ROBO1: variants seen among roughly 807,000 people sequenced by gnomAD.
ROBO1 encodes the protein roundabout guidance receptor 1.
A neutral mutation model predicts 195.9 loss-of-function variants in ROBO1; 149 were observed. That is an observed-to-expected ratio of 0.76 (90% CI 0.67 to 0.87). ROBO1 has a LOEUF of 0.87. Ranked by LOEUF, ROBO1 falls within the 40% of genes least tolerant of loss-of-function variation. The pLI, the probability that ROBO1 is intolerant of heterozygous loss-of-function variation, is 0.00. For synonymous variants in ROBO1, 816 were observed against 733.2 expected (o/e 1.11, Z -1.82); for missense variants, 1,933 against 2,068.3 (o/e 0.93, Z 1.27).
chr3:79,365,286 G>A (rs902428787), intron 2 of ROBO1, among the ~76,000 whole-genome samples: 1 of 152,104 alleles, frequency 6.6e-6, no homozygotes, highest in African/African-American at 2.4e-5. Flanking sequence ...CCACAACTGT[G>A]TATCAGTTCA....
intron 3 of ROBO1, among the ~76,000 whole-genome samples, chr3:79,055,048 C>A (rs1370443951): frequency 6.6e-6 from 1 of 152,096 alleles, no homozygotes; most frequent in African/African-American, 2.4e-5. Context: ...CTACCTAATT[C>A]TTTGCCTTTA....
At chr3:78,685,124 T>G (rs1021200163) in intron 10 of ROBO1, among the ~76,000 whole-genome samples, 6 of 152,076 alleles carry the variant, frequency 3.9e-5, no homozygotes, top group Non-Finnish European at 8.8e-5. Flanking sequence ...GTATATGAAA[T>G]AAGATATGAA....
rs115361360 is a variant in ROBO1 at position 78,929,941 on chromosome 3, G to A, written c.499+8660C>T. Among the ~76,000 whole-genome samples the A allele has an allele frequency of 5.3e-3, 811 of 152,238 alleles. 7 individuals carry two copies. The highest frequency in any genetic ancestry group is 0.018 in the African/African-American group (764 of 41,546). ...TAGAAAGACAGCTTTACATTTATCA[G>A]AGCCTAAAAGCAATTCATTTGGCTT... On this transcript the variant is annotated intron_variant, in intron 4 of 30. Transcript: ENST00000464233.
chr3:79,362,163 G>T (rs993738855), intron 2 of ROBO1, among the ~76,000 whole-genome samples: 1 of 152,080 alleles, frequency 6.6e-6, no homozygotes, highest in South Asian at 2.1e-4. Context: ...GGAATTATGT[G>T]TATCTAAGAC....
chr3:79,281,633 C>T (rs2031515797), intron 2 of ROBO1, among the ~76,000 whole-genome samples: 2 of 152,012 alleles, frequency 1.3e-5, no homozygotes, highest in South Asian at 4.1e-4. Flanking sequence ...GTCAGTAAAT[C>T]AGGAATATTG....
At chr3:79,657,722 C>T (rs930705675) in intron 1 of ROBO1, among the ~76,000 whole-genome samples, 3 of 151,964 alleles carry the variant, frequency 2.0e-5, no homozygotes, top group African/African-American at 7.2e-5. Flanking sequence ...TCCCTTTTGC[C>T]AATTTTTATA....
At chr3:78,617,525 TAAG>T in intron 27 of ROBO1, 107 bp downstream of exon 27, 1 of 1,077,922 alleles carries the variant, frequency 9.3e-7, no homozygotes, top group South Asian at 2.3e-5. Flanking sequence ...AAAAAAACTG[TAAG>T]AATAGATGCT....
chr3:78,614,442 T>C (rs1206891280), intron 28 of ROBO1, among the ~76,000 whole-genome samples: 2 of 152,210 alleles, frequency 1.3e-5, no homozygotes, highest in Non-Finnish European at 2.9e-5. Context: ...TTTGTTTTTT[T>C]AAATAACAAG....
chr3:79,711,799 T>G (rs1478227500), intron 1 of ROBO1, among the ~76,000 whole-genome samples: 1 of 152,106 alleles, frequency 6.6e-6, no homozygotes, highest in Non-Finnish European at 1.5e-5. Context: ...ACATTATGCG[T>G]TCCCTTCCTG....
At chr3:79,316,753 C>G (rs1427949359) in intron 2 of ROBO1, among the ~76,000 whole-genome samples, 1 of 151,824 alleles carries the variant, frequency 6.6e-6, no homozygotes, top group Admixed American at 6.6e-5. Context: ...TACTCTTTTA[C>G]TTATTTGCAT....
intron 2 of ROBO1, among the ~76,000 whole-genome samples, chr3:79,442,184 T>C (rs751353687): frequency 6.6e-6 from 1 of 152,204 alleles, no homozygotes; most frequent in African/African-American, 2.4e-5. Context: ...ATGAAATCCT[T>C]ATTCATGTAC....
chr3:79,670,943 T>C (rs1946614592), intron 1 of ROBO1, among the ~76,000 whole-genome samples: 1 of 151,886 alleles, frequency 6.6e-6, no homozygotes, highest in Non-Finnish European at 1.5e-5. Context: ...TTTGAATAAC[T>C]GTCTTAGTAT....
chr3:79,453,968 G>A (rs1410844667), intron 2 of ROBO1, among the ~76,000 whole-genome samples: 1 of 152,030 alleles, frequency 6.6e-6, no homozygotes. Context: ...GTTGTGATAG[G>A]AACTCCTCCT....
At chr3:78,893,657 A>G (rs745400723) in intron 4 of ROBO1, among the ~76,000 whole-genome samples, 3 of 152,208 alleles carry the variant, frequency 2.0e-5, no homozygotes, top group Non-Finnish European at 2.9e-5. Context: ...TGAGGAAATA[A>G]CGTCTAAGTT....
chr3:79,079,183 A>G (rs1382880369), intron 3 of ROBO1, among the ~76,000 whole-genome samples: 1 of 151,812 alleles, frequency 6.6e-6, no homozygotes, highest in African/African-American at 2.4e-5. Context: ...GAATAAAAGT[A>G]TTTATTAGAA....
intron 26 of ROBO1, among the ~76,000 whole-genome samples, chr3:78,624,110 G>T (rs746088953): frequency 6.6e-6 from 1 of 152,062 alleles, no homozygotes; most frequent in African/African-American, 2.4e-5. Context: ...AGATAACAAC[G>T]TGAAAAAATG....
chr3:78,794,446 G>C (rs1428556334), intron 4 of ROBO1, among the ~76,000 whole-genome samples: 1 of 152,046 alleles, frequency 6.6e-6, no homozygotes, highest in Non-Finnish European at 1.5e-5. Flanking sequence ...GAGTTGGAAG[G>C]GGGCCCTTAT....
At chr3:79,309,092 T>C (rs1409555813) in intron 2 of ROBO1, among the ~76,000 whole-genome samples, 1 of 152,150 alleles carries the variant, frequency 6.6e-6, no homozygotes, top group Non-Finnish European at 1.5e-5. Context: ...TATTAATTAG[T>C]AAGCAGAGTA....
intron 1 of ROBO1, among the ~76,000 whole-genome samples, chr3:79,600,593 T>C (rs1332232611): frequency 6.6e-6 from 1 of 151,790 alleles, no homozygotes. Flanking sequence ...TTAGAGGGGG[T>C]TGCTGTGATC....
Sources: allele counts gnomAD v4.1 joint callset (sites outside exome capture counted in the v4.1 genomes callset), GRCh38; gene constraint gnomAD v4.1.1; transcripts MANE v1.5; gene names NCBI Gene and HGNC (gene_info 2026-07-23, HGNC 2026-07-21).